CCDC91: variants seen among roughly 807,000 people sequenced by gnomAD.
The protein encoded by CCDC91 is coiled-coil domain-containing protein 91.
Under a neutral mutation model 63.2 loss-of-function variants are expected in CCDC91, and 48 were observed. The observed-to-expected ratio is 0.76, with a 90% CI of 0.60 to 0.97. The LOEUF (loss-of-function observed/expected upper bound fraction) is 0.97, where lower values mean the gene tolerates loss of function less well. Ranked by LOEUF, CCDC91 falls within the 50% of genes least tolerant of loss-of-function variation. The pLI, the probability that CCDC91 is intolerant of heterozygous loss-of-function variation, is 0.00. For synonymous variants in CCDC91, 167 were observed against 165.8 expected (o/e 1.01, Z -0.06); for missense variants, 500 against 494.6 (o/e 1.01, Z -0.10).
In CCDC91 at chr12:28,520,620, G is replaced by A. The variant is rs568788541; in HGVS notation, c.1216-28443G>A. ...TTTGGCTTTTGTTGCCATTGCTTTC[G>A]GTGTTTTAGACATGAAGTCCTTGCC... On this transcript the variant is annotated intron_variant, in intron 12 of 12. Coordinates refer to ENST00000536442, the MANE Select transcript of CCDC91 (RefSeq NM_018318.5). Among the ~76,000 whole-genome samples the A allele has an allele frequency of 2.2e-4, 33 of 152,144 alleles. No homozygotes were observed. In the South Asian group the frequency reaches 4.2e-3, roughly 19 times the overall value.
chr12:28,505,941 A>G (rs1297520533), intron 12 of CCDC91, among the ~76,000 whole-genome samples: 1 of 152,010 alleles, frequency 6.6e-6, no homozygotes, highest in Non-Finnish European at 1.5e-5. Context: ...TTAGGTAAAC[A>G]GTGTTTCAAT....
intron 6 of CCDC91, among the ~76,000 whole-genome samples, chr12:28,349,982 CTGAG>C (rs1330396458): frequency 6.6e-6 from 1 of 152,292 alleles, no homozygotes; most frequent in East Asian, 1.9e-4. Flanking sequence ...CTACCAAATC[CTGAG>C]TATTTTGGGT....
intron 6 of CCDC91, among the ~76,000 whole-genome samples, chr12:28,343,298 A>C (rs1028346465): frequency 5.9e-5 from 9 of 151,986 alleles, no homozygotes; most frequent in African/African-American, 2.2e-4. Flanking sequence ...ATATATACAC[A>C]TATGTTCATA....
intron 1 of CCDC91, among the ~76,000 whole-genome samples, chr12:28,237,073 AATAG>A (rs991742680): frequency 3.2e-4 from 49 of 152,210 alleles, no homozygotes; most frequent in African/African-American, 1.1e-3. Context: ...GAAAATGGAA[AATAG>A]ATCACTAAAA....
chr12:28,476,263 A>G (rs1264884204), intron 11 of CCDC91, among the ~76,000 whole-genome samples: 1 of 152,140 alleles, frequency 6.6e-6, no homozygotes, highest in Non-Finnish European at 1.5e-5. Flanking sequence ...CAGAAATAAC[A>G]ACAAACTGTC....
chr12:28,521,688 A>C (rs1017699740), intron 12 of CCDC91, among the ~76,000 whole-genome samples: 7 of 152,208 alleles, frequency 4.6e-5, no homozygotes, highest in African/African-American at 1.7e-4. Context: ...TTGCCCATTC[A>C]GTATGATATT....
At chr12:28,201,149 G>A (rs10270334) in intron 1 of CCDC91, among the ~76,000 whole-genome samples, 3 of 150,662 alleles carry the variant, frequency 2.0e-5, no homozygotes, top group Admixed American at 6.6e-5. Flanking sequence ...CCTCCCTCCC[G>A]GACGAGGTGG....
chr12:28,521,129 C>T (rs533072822), intron 12 of CCDC91, among the ~76,000 whole-genome samples: 13 of 152,030 alleles, frequency 8.6e-5, no homozygotes, highest in East Asian at 7.8e-4. Flanking sequence ...GTAGCTTGAT[C>T]GCGATGGCAT....
intron 11 of CCDC91, among the ~76,000 whole-genome samples, chr12:28,476,582 A>C (rs1360542714): frequency 6.6e-6 from 1 of 152,148 alleles, no homozygotes; most frequent in African/African-American, 2.4e-5. Context: ...GAGCAAACAC[A>C]TTCATAAGCT....
intron 3 of CCDC91, among the ~76,000 whole-genome samples, chr12:28,296,517 A>G (rs1247593459): frequency 1.3e-5 from 2 of 151,882 alleles, no homozygotes; most frequent in African/African-American, 2.4e-5. Context: ...TTTATTTCCT[A>G]TGTTCCTCCA....
At chr12:28,267,907 T>G (rs1261286555) in intron 3 of CCDC91, among the ~76,000 whole-genome samples, 1 of 96,054 alleles carries the variant, frequency 1.0e-5, no homozygotes, top group Non-Finnish European at 1.9e-5. Context: ...TATAATTATA[T>G]TATATATAAT....
At chr12:28,411,412 A>G (rs1271984488) in intron 8 of CCDC91, among the ~76,000 whole-genome samples, 1 of 152,192 alleles carries the variant, frequency 6.6e-6, no homozygotes, top group South Asian at 2.1e-4. Flanking sequence ...TTGAACAAAC[A>G]CAAAAATGAT....
chr12:28,481,857 G>GTAATAATATTATTATTA (rs1390532724), intron 11 of CCDC91, among the ~76,000 whole-genome samples: 3 of 151,850 alleles, frequency 2.0e-5, no homozygotes, highest in Non-Finnish European at 4.4e-5. Context: ...AACTGAGAAG[G>GTAATAATATTATTATTA]TATTAATAAT....
At chr12:28,332,751 T>A (rs1463591283) in intron 6 of CCDC91, among the ~76,000 whole-genome samples, 1 of 152,182 alleles carries the variant, frequency 6.6e-6, no homozygotes, top group Non-Finnish European at 1.5e-5. Context: ...TATGTGTGTT[T>A]CTGTGGAAAT....
chr12:28,302,854 G>T (rs1938229902), intron 3 of CCDC91: 1 of 153,130 alleles, frequency 6.5e-6, no homozygotes, highest in Admixed American at 6.6e-5. Flanking sequence ...ATTTATACTG[G>T]AGATGTATTG....
chr12:28,325,215 A>G (rs1203749245), intron 6 of CCDC91, among the ~76,000 whole-genome samples: 3 of 152,024 alleles, frequency 2.0e-5, no homozygotes, highest in African/African-American at 4.8e-5. Flanking sequence ...AACAATGGCA[A>G]TGTTTGGTTA....
intron 3 of CCDC91, among the ~76,000 whole-genome samples, chr12:28,267,861 A>AATTAT (rs1947390392): frequency 4.6e-5 from 2 of 43,458 alleles, no homozygotes; most frequent in Non-Finnish European, 9.8e-5. Flanking sequence ...AGTAATATAT[A>AATTAT]ATTATATATA....
intron 8 of CCDC91, among the ~76,000 whole-genome samples, chr12:28,394,807 A>G (rs145703754): frequency 1.3e-5 from 2 of 152,118 alleles, no homozygotes; most frequent in East Asian, 1.9e-4. Context: ...GAGTCAGACT[A>G]TATGAATTGA....
intron 3 of CCDC91, among the ~76,000 whole-genome samples, chr12:28,294,699 C>T (rs1403904380): frequency 6.6e-6 from 1 of 152,072 alleles, no homozygotes; most frequent in African/African-American, 2.4e-5. Context: ...ATTCCCTTGC[C>T]TCAGCTTCCC....
Sources: allele counts gnomAD v4.1 joint callset (sites outside exome capture counted in the v4.1 genomes callset), GRCh38; gene constraint gnomAD v4.1.1; transcripts MANE v1.5; gene names NCBI Gene and HGNC (gene_info 2026-07-23, HGNC 2026-07-21).